Variants in SSH2 observed in about 807,000 individuals in gnomAD.
The protein encoded by SSH2 is protein phosphatase Slingshot homolog 2.
Under a neutral mutation model 135.2 loss-of-function variants are expected in SSH2, and 37 were observed. That is an observed-to-expected ratio of 0.27 (90% confidence interval 0.21 to 0.36). SSH2 has a LOEUF of 0.36. Ranked by LOEUF, SSH2 falls within the 10% of genes least tolerant of loss-of-function variation. SSH2 has a pLI of 1.00. For synonymous variants in SSH2, 628 were observed against 646.2 expected (o/e 0.97, Z 0.43); for missense variants, 1,408 against 1,765.3 (o/e 0.80, Z 3.63).
At chr17:29,700,763 C>T (rs559216794) in intron 4 of SSH2, among the ~76,000 whole-genome samples, 1 of 152,228 alleles carries the variant, frequency 6.6e-6, no homozygotes, top group East Asian at 1.9e-4. Context: ...TGAAGTAATT[C>T]TGAATAAGAT....
At chr17:29,869,372 C>G (rs962906766) in intron 1 of SSH2, among the ~76,000 whole-genome samples, 1 of 152,194 alleles carries the variant, frequency 6.6e-6, no homozygotes, top group African/African-American at 2.4e-5. Flanking sequence ...GAGCAGCTTG[C>G]TGGTGAGCGG....
At chr17:29,672,932 C>G (rs1360771933) in intron 8 of SSH2, among the ~76,000 whole-genome samples, 1 of 152,074 alleles carries the variant, frequency 6.6e-6, no homozygotes, top group Non-Finnish European at 1.5e-5. Context: ...GTCTCAAACT[C>G]CTGGCCTCAA....
At chr17:29,634,435 T>G (rs567170745) in intron 15 of SSH2, among the ~76,000 whole-genome samples, 6 of 152,346 alleles carry the variant, frequency 3.9e-5, no homozygotes, top group Non-Finnish European at 5.9e-5. Flanking sequence ...AGTCTTAGAA[T>G]TGATGCGATA....
chr17:29,922,554 G>A (rs1304521295), intron 1 of SSH2, among the ~76,000 whole-genome samples: 1 of 152,158 alleles, frequency 6.6e-6, no homozygotes, highest in Non-Finnish European at 1.5e-5. Flanking sequence ...TAATGTAAAT[G>A]CCTAATAAGC....
At chr17:29,653,295 C>T (rs1414235396) in intron 12 of SSH2, among the ~76,000 whole-genome samples, 2 of 152,158 alleles carry the variant, frequency 1.3e-5, no homozygotes, top group South Asian at 4.1e-4. Flanking sequence ...GATCCCTGAA[C>T]TGTAATTCTT....
chr17:29,803,533 G>C (rs910127157), intron 2 of SSH2, among the ~76,000 whole-genome samples: 1 of 152,146 alleles, frequency 6.6e-6, no homozygotes, highest in Admixed American at 6.5e-5. Flanking sequence ...TAGGCTCAGA[G>C]CTGGCATAGT....
chr17:29,635,194 G>T (rs968926703), intron 15 of SSH2, among the ~76,000 whole-genome samples: 18 of 152,120 alleles, frequency 1.2e-4, no homozygotes, highest in African/African-American at 4.1e-4. Context: ...GAGCCACCGC[G>T]CCCGGCCAGC....
At chr17:29,805,316 G>A (rs1165769068) in intron 2 of SSH2, among the ~76,000 whole-genome samples, 6 of 151,714 alleles carry the variant, frequency 4.0e-5, no homozygotes, top group African/African-American at 9.7e-5. Context: ...CACCACGCCC[G>A]GCTAATTTTT....
rs200180616 is a variant in SSH2, at chr17:29,927,893, AT to A, written c.63+2044del. Among the ~76,000 whole-genome samples the A allele has an allele frequency of 3.8e-3, 575 of 152,362 alleles. 4 individuals carry two copies. The highest frequency in any genetic ancestry group is 0.013 in the African/African-American group (551 of 41,592). On this transcript the variant is annotated intron_variant, in intron 1 of 15. Transcript: ENST00000540801. ...TTTGCTCAACAACTGAGCTTATTAC[AT>A]GATCAATTTAATTACCTATGTCAAA...
chr17:29,841,776 G>A (rs1273202521), intron 2 of SSH2, among the ~76,000 whole-genome samples: 1 of 152,090 alleles, frequency 6.6e-6, no homozygotes, highest in Admixed American at 6.6e-5. Context: ...ACCCAGGCTG[G>A]AGTGCAGTGG....
chr17:29,712,216 G>A (rs981726731), intron 3 of SSH2, among the ~76,000 whole-genome samples: 1 of 152,122 alleles, frequency 6.6e-6, no homozygotes, highest in Non-Finnish European at 1.5e-5. Context: ...TATTTCACTG[G>A]GCAGAGGAGG....
intron 2 of SSH2, among the ~76,000 whole-genome samples, chr17:29,844,402 C>T (rs2043095901): frequency 6.6e-6 from 1 of 152,120 alleles, no homozygotes; most frequent in Non-Finnish European, 1.5e-5. Context: ...CCAGTTGTTC[C>T]TAGGAGACCA....
At chr17:29,742,431 G>T (rs2040591247) in intron 3 of SSH2, among the ~76,000 whole-genome samples, 1 of 148,734 alleles carries the variant, frequency 6.7e-6, no homozygotes, top group Non-Finnish European at 1.5e-5. Context: ...CAATCCTCCT[G>T]GGTCAGCCTC....
intron 2 of SSH2, among the ~76,000 whole-genome samples, chr17:29,832,518 T>A (rs1189835481): frequency 7.2e-5 from 11 of 152,256 alleles, no homozygotes; most frequent in Admixed American, 3.9e-4. Flanking sequence ...ATTTCTTTCT[T>A]AACTGCTTCA....
chr17:29,813,555 C>T (rs568951357), intron 2 of SSH2, among the ~76,000 whole-genome samples: 2 of 151,796 alleles, frequency 1.3e-5, no homozygotes, highest in South Asian at 2.1e-4. Flanking sequence ...CGGTGGCTCA[C>T]GCCTGTAATC....
At chr17:29,646,904 T>C (rs2036392132) in intron 14 of SSH2, among the ~76,000 whole-genome samples, 1 of 152,106 alleles carries the variant, frequency 6.6e-6, no homozygotes, top group African/African-American at 2.4e-5. Context: ...TCAAAATTAC[T>C]GGAGAAGGCT....
intron 15 of SSH2, among the ~76,000 whole-genome samples, chr17:29,635,484 A>C (rs1446161840): frequency 6.6e-6 from 1 of 151,796 alleles, no homozygotes; most frequent in Non-Finnish European, 1.5e-5. Flanking sequence ...GGCTCACTGC[A>C]AGCTCCGCCT....
chr17:29,789,598 G>C (rs900117386), intron 3 of SSH2, among the ~76,000 whole-genome samples: 1 of 152,172 alleles, frequency 6.6e-6, no homozygotes. Flanking sequence ...CAGGGAGCAG[G>C]CTGTCTTCAC....
intron 15 of SSH2, among the ~76,000 whole-genome samples, chr17:29,633,542 C>T (rs1029655933): frequency 3.3e-5 from 5 of 152,228 alleles, no homozygotes; most frequent in Non-Finnish European, 5.9e-5. Context: ...CCAGTACCTA[C>T]AAGCAGGGAG....
Sources: gnomAD v4.1 joint callset for allele counts (sites outside exome capture counted in the v4.1 genomes callset) on GRCh38, gnomAD v4.1.1 for gene constraint, MANE v1.5 for transcripts, NCBI Gene and HGNC (gene_info 2026-07-23, HGNC 2026-07-21) for gene names.